The following PDE3A variants were observed in gnomAD, a reference collection of about 807,000 sequenced individuals.
PDE3A encodes the protein phosphodiesterase 3A.
A neutral mutation model predicts 98.3 loss-of-function variants in PDE3A; 43 were observed. The observed-to-expected ratio is 0.44, with a 90% CI of 0.34 to 0.56. The LOEUF is 0.56. Among genes scored for constraint, PDE3A ranks in the 20% least tolerant of loss-of-function variants. The probability of loss-of-function intolerance (pLI) is 0.01; values close to 1 mark genes in which losing one functional copy is unlikely to be tolerated. For missense variants in PDE3A, 1,427 were observed against 1,440.7 expected (o/e 0.99, Z 0.15); for synonymous variants, 663 against 567.9 (o/e 1.17, Z -2.38).
chr12:20,553,178 A>G (rs1942265299), intron 1 of PDE3A, among the ~76,000 whole-genome samples: 4 of 146,648 alleles, frequency 2.7e-5, no homozygotes, highest in Admixed American at 2.0e-4. Flanking sequence ...TTTCAAATCT[A>G]TACATTTTCA....
At chr12:20,465,723 A>T (rs909106874) in intron 1 of PDE3A, among the ~76,000 whole-genome samples, 13 of 152,130 alleles carry the variant, frequency 8.5e-5, no homozygotes, top group Admixed American at 7.9e-4. Flanking sequence ...CTTTTATTTT[A>T]AAAATTTAAA....
chr12:20,529,271 T>C (rs193152115), intron 1 of PDE3A, among the ~76,000 whole-genome samples: 85 of 152,252 alleles, frequency 5.6e-4, no homozygotes, highest in African/African-American at 2.0e-3. Context: ...CAAGCATATA[T>C]TTTACTTGGA....
At chr12:20,610,005 C>G (rs1943809019) in intron 2 of PDE3A, among the ~76,000 whole-genome samples, 2 of 151,744 alleles carry the variant, frequency 1.3e-5, no homozygotes, top group South Asian at 4.2e-4. Flanking sequence ...TCTTGGATAA[C>G]ACACCAAAAT....
At chr12:20,500,889 C>A (rs553836696) in intron 1 of PDE3A, among the ~76,000 whole-genome samples, 1 of 151,562 alleles carries the variant, frequency 6.6e-6, no homozygotes, top group Admixed American at 6.6e-5. Context: ...TGACTCAGTC[C>A]CTGAAGTAGC....
intron 1 of PDE3A, among the ~76,000 whole-genome samples, chr12:20,505,103 T>C (rs1292851660): frequency 6.6e-6 from 1 of 152,106 alleles, no homozygotes; most frequent in Non-Finnish European, 1.5e-5. Context: ...AGAGAAGTGC[T>C]CCATTCTTTT....
intron 15 of PDE3A, among the ~76,000 whole-genome samples, chr12:20,676,355 T>TC (rs1450584408): frequency 2.0e-5 from 3 of 152,134 alleles, no homozygotes; most frequent in South Asian, 4.1e-4. Flanking sequence ...TATGGTTTTT[T>TC]CTTTCAGTGA....
intron 1 of PDE3A, among the ~76,000 whole-genome samples, chr12:20,423,785 T>A (rs953269881): frequency 2.0e-5 from 3 of 152,096 alleles, no homozygotes; most frequent in African/African-American, 7.2e-5. Context: ...AGCCTCCTGG[T>A]GGTATGCAGG....
rs529607051 is a variant in PDE3A at position 20,591,250 on chromosome 12, A to G, written c.1012-22193A>G. On this transcript the variant is annotated intron_variant, in intron 2 of 15. Coordinates refer to ENST00000359062, the MANE Select transcript of PDE3A (RefSeq NM_000921.5). ...GTTTTTGATTGTACAGTAATATACT[A>G]TATTTCATATGTTGGGCAGTGCTAC... Among the ~76,000 whole-genome samples the G allele has an allele frequency of 5.3e-4, 81 of 152,324 alleles. 1 individual carries two copies. The highest frequency in any genetic ancestry group is 5.2e-3 in the South Asian group (25 of 4,820).
intron 2 of PDE3A, among the ~76,000 whole-genome samples, chr12:20,572,413 A>G (rs937770611): frequency 6.6e-6 from 1 of 152,142 alleles, no homozygotes; most frequent in Non-Finnish European, 1.5e-5. Flanking sequence ...TTACAAAACT[A>G]TCTTAGAATG....
chr12:20,408,287 A>G (rs373547352), intron 1 of PDE3A, among the ~76,000 whole-genome samples: 4 of 152,344 alleles, frequency 2.6e-5, no homozygotes, highest in South Asian at 2.1e-4. Context: ...TTAGAAATCT[A>G]TAAGAGTATG....
chr12:20,661,181 G>C (rs539197269), intron 15 of PDE3A, among the ~76,000 whole-genome samples: 8 of 152,138 alleles, frequency 5.3e-5, no homozygotes, highest in Non-Finnish European at 1.0e-4. Context: ...CTGCCCTAGA[G>C]ATTTGTGGAA....
At chr12:20,613,931 T>G (rs1943934103) in intron 3 of PDE3A, among the ~76,000 whole-genome samples, 1 of 152,200 alleles carries the variant, frequency 6.6e-6, no homozygotes, top group African/African-American at 2.4e-5. Flanking sequence ...CCTCTTTTAT[T>G]TAATCTTTCA....
intron 2 of PDE3A, among the ~76,000 whole-genome samples, chr12:20,595,483 C>T (rs558130705): frequency 1.3e-5 from 2 of 152,008 alleles, no homozygotes; most frequent in African/African-American, 4.8e-5. Context: ...GTCTTTGGAC[C>T]TATTTGTCTT....
chr12:20,504,901 G>A (rs916258315), intron 1 of PDE3A, among the ~76,000 whole-genome samples: 17 of 151,944 alleles, frequency 1.1e-4, no homozygotes, highest in African/African-American at 3.9e-4. Flanking sequence ...TGCCATGTAC[G>A]ATAACTTATT....
intron 2 of PDE3A, among the ~76,000 whole-genome samples, chr12:20,597,524 G>C (rs1943494855): frequency 6.6e-6 from 1 of 151,888 alleles, no homozygotes; most frequent in African/African-American, 2.4e-5. Context: ...ATCCTACTTT[G>C]AAGAGAGGTA....
intron 1 of PDE3A, among the ~76,000 whole-genome samples, chr12:20,475,174 TGTGA>T (rs147651052): frequency 0.31 from 34,532 of 112,306 alleles, 3,826 homozygotes; most frequent in East Asian, 0.5. Flanking sequence ...AAAAAATGTG[TGTGA>T]GTGTGTGTGT....
intron 1 of PDE3A, among the ~76,000 whole-genome samples, chr12:20,378,057 A>C (rs1943602652): frequency 6.6e-6 from 1 of 151,774 alleles, no homozygotes; most frequent in Non-Finnish European, 1.5e-5. Context: ...CAGTGTCTGT[A>C]AAGGGCTAAC....
chr12:20,427,328 C>A (rs1261459644), intron 1 of PDE3A, among the ~76,000 whole-genome samples: 1 of 152,068 alleles, frequency 6.6e-6, no homozygotes, highest in Non-Finnish European at 1.5e-5. Flanking sequence ...AGATTTGTAC[C>A]AGTACACTAA....
intron 1 of PDE3A, among the ~76,000 whole-genome samples, chr12:20,458,634 T>G (rs1945193003): frequency 6.6e-6 from 1 of 152,138 alleles, no homozygotes. Flanking sequence ...CTTGTCTTTC[T>G]ACCTACTGTC....
Sources: allele counts gnomAD v4.1 joint callset (sites outside exome capture counted in the v4.1 genomes callset), GRCh38; gene constraint gnomAD v4.1.1; transcripts MANE v1.5; gene names NCBI Gene and HGNC (gene_info 2026-07-23, HGNC 2026-07-21).